The following JAM3 variants were observed in gnomAD, a reference collection of about 807,000 sequenced individuals.
The protein encoded by JAM3 is junctional adhesion molecule 3.
In JAM3, 31 loss-of-function variants were observed where a neutral mutation model predicts 39.4. That is an observed-to-expected ratio of 0.79 (90% confidence interval 0.59 to 1.06). JAM3 has a LOEUF of 1.06. Ranked by LOEUF, JAM3 falls within the 50% of genes least tolerant of loss-of-function variation. The pLI is 0.00. For synonymous variants in JAM3, 182 were observed against 148.7 expected, an observed-to-expected ratio of 1.22 and a Z score of -1.63; for missense variants, 455 against 391.4, an observed-to-expected ratio of 1.16 and a Z score of -1.37.
intron 1 of JAM3, among the ~76,000 whole-genome samples, chr11:134,108,615 G>C (rs575251319): frequency 1.3e-5 from 2 of 152,264 alleles, no homozygotes; most frequent in East Asian, 3.9e-4. Context: ...ACCAACCGAG[G>C]TTTATCCCAG....
At chr11:134,127,077 G>A (rs1477282435) in intron 1 of JAM3, among the ~76,000 whole-genome samples, 1 of 152,200 alleles carries the variant, frequency 6.6e-6, no homozygotes, top group Admixed American at 6.5e-5. Flanking sequence ...ACACCAAAGC[G>A]TGTAGTTAAT....
intron 1 of JAM3, among the ~76,000 whole-genome samples, chr11:134,069,520 C>T (rs535324303): frequency 2.3e-4 from 29 of 126,118 alleles, no homozygotes; most frequent in African/African-American, 8.9e-4. Flanking sequence ...GGGTGGGCTC[C>T]TCCCAGGCGG....
intron 1 of JAM3, among the ~76,000 whole-genome samples, chr11:134,134,398 C>CAAAAAAAAAAA (rs34729848): frequency 2.2e-4 from 7 of 31,916 alleles, no homozygotes; most frequent in Admixed American, 4.7e-4. Context: ...GGATAAATGC[C>CAAAAAAAAAAA]AAAAAAAAAA....
At chr11:134,107,378 T>G (rs1157940615) in intron 1 of JAM3, among the ~76,000 whole-genome samples, 1 of 152,068 alleles carries the variant, frequency 6.6e-6, no homozygotes, top group Non-Finnish European at 1.5e-5. Context: ...ATATACCTAA[T>G]GTAAATGACG....
intron 1 of JAM3, among the ~76,000 whole-genome samples, chr11:134,114,015 C>G (rs1489704330): frequency 6.6e-6 from 1 of 151,980 alleles, no homozygotes; most frequent in Non-Finnish European, 1.5e-5. Context: ...CTGTTCATAT[C>G]CTTTGCCCAC....
chr11:134,148,360 G>C (rs929475326), intron 6 of JAM3, 187 bp from the exon 7 acceptor site: 1 of 654,272 alleles, frequency 1.5e-6, no homozygotes, highest in African/African-American at 1.8e-5. Flanking sequence ...GTGAAGTTAG[G>C]AGTTATGGTG....
chr11:134,111,791 A>T (rs1255033515), intron 1 of JAM3, among the ~76,000 whole-genome samples: 1 of 152,234 alleles, frequency 6.6e-6, no homozygotes, highest in Non-Finnish European at 1.5e-5. Context: ...ATTTTCTTTT[A>T]GATAATGCCT....
intron 1 of JAM3, chr11:134,123,727 C>A (rs1565497063): frequency 3.5e-6 from 2 of 577,516 alleles, no homozygotes; most frequent in African/African-American, 1.9e-5. Flanking sequence ...TCCATCACTA[C>A]TTTGATGACA....
At chr11:134,145,106 C>A in intron 5 of JAM3, 112 bp downstream of exon 5, 1 of 905,758 alleles carries the variant, frequency 1.1e-6, no homozygotes. Context: ...AGACAGGAGT[C>A]AAAAATCTAG....
At chr11:134,069,386 G>A (rs1941450019) in intron 1 of JAM3, among the ~76,000 whole-genome samples, 1 of 152,196 alleles carries the variant, frequency 6.6e-6, no homozygotes, top group South Asian at 2.1e-4. Flanking sequence ...TTGGACCGGG[G>A]CGGGGAGCTA....
intron 1 of JAM3, among the ~76,000 whole-genome samples, chr11:134,138,540 T>C (rs1452115274): frequency 6.6e-6 from 1 of 152,232 alleles, no homozygotes; most frequent in Non-Finnish European, 1.5e-5. Context: ...CCGTGTGGCC[T>C]TGGTAGAGAC....
intron 1 of JAM3, among the ~76,000 whole-genome samples, chr11:134,137,441 G>A (rs924441458): frequency 1.1e-4 from 16 of 152,030 alleles, no homozygotes; most frequent in Middle Eastern, 6.8e-3. Flanking sequence ...ATTTCTCTTG[G>A]CTTCATACTT....
chr11:134,116,042 G>A (rs1487424970), intron 1 of JAM3, among the ~76,000 whole-genome samples: 1 of 152,134 alleles, frequency 6.6e-6, no homozygotes, highest in Admixed American at 6.5e-5. Context: ...GTGTCTACAA[G>A]GTTTCTCCAC....
intron 1 of JAM3, among the ~76,000 whole-genome samples, chr11:134,081,441 GC>G (rs1381689393): frequency 6.6e-6 from 1 of 152,188 alleles, no homozygotes; most frequent in Non-Finnish European, 1.5e-5. Flanking sequence ...TAGACTTGGT[GC>G]CCTGCCTTCC....
chr11:134,121,659 TC>T (rs1942534404), intron 1 of JAM3, among the ~76,000 whole-genome samples: 1 of 152,068 alleles, frequency 6.6e-6, no homozygotes, highest in South Asian at 2.1e-4. Context: ...AGGAAAAAAA[TC>T]CAGTTTTGAG....
intron 1 of JAM3, among the ~76,000 whole-genome samples, chr11:134,095,031 A>T (rs1356310959): frequency 6.6e-6 from 1 of 152,240 alleles, no homozygotes. Flanking sequence ...GTAGTGAATG[A>T]AAGTGTAATA....
chr11:134,144,407 C>A lies in JAM3; in HGVS notation c.409+14C>A, dbSNP rs1427620372. The A allele has an allele frequency of 6.2e-7, 1 of 1,613,974 alleles. No individual in the cohort carries two copies. The highest frequency in any genetic ancestry group is 1.7e-5 in the Admixed American group (1 of 60,016). ...TAACTGTGCAAGGTAGGAGCTCATG[C>A]GAAGGTGAGACATTGCCACCATAGG... On this transcript the variant is annotated intron_variant, in intron 4 of 8. Transcript: ENST00000299106.
In JAM3 at chr11:134,150,855, C is replaced by T. The variant is rs530777526; in HGVS notation, c.*1674C>T. 1 of 152,108 alleles carries T rather than the reference C, an allele frequency of 6.6e-6. No individual in the cohort carries two copies. Among genetic ancestry groups the T allele is most frequent in the Non-Finnish European group, 1.5e-5 (1 of 68,018 alleles). 9.4% of individuals were successfully genotyped at this position (152,108 alleles called of 1,614,324 possible). On this transcript the variant is annotated 3_prime_UTR_variant, in exon 9 of 9. Transcript: ENST00000299106. ...GCGGCCAGTCCAGCCTTTTAAAGAA[C>T]GTCAGGTGGAGCAGCCAGGTGAAAG... is the stretch of plus-strand genomic sequence containing the variant.
intron 1 of JAM3, among the ~76,000 whole-genome samples, chr11:134,084,137 G>A (rs1941709538): frequency 6.6e-6 from 1 of 152,102 alleles, no homozygotes; most frequent in African/African-American, 2.4e-5. Flanking sequence ...CCTGAGCATT[G>A]CCATTTTTCT....
Sources: gnomAD v4.1 joint callset for allele counts (sites outside exome capture counted in the v4.1 genomes callset) on GRCh38, gnomAD v4.1.1 for gene constraint, MANE v1.5 for transcripts, NCBI Gene and HGNC (gene_info 2026-07-23, HGNC 2026-07-21) for gene names.